The following SELENOP variants were observed in gnomAD, a reference collection of about 807,000 sequenced individuals.
The protein encoded by SELENOP is selenoprotein P, plasma, 1.
Under a neutral mutation model 41.0 loss-of-function variants are expected in SELENOP, and 36 were observed. That is an observed-to-expected ratio of 0.88 (90% CI 0.67 to 1.16). The LOEUF is 1.16. Ranked by LOEUF, SELENOP falls within the 50% of genes most tolerant of loss-of-function variation. The pLI is 0.00. For missense variants in SELENOP, 440 were observed against 454.2 expected, an observed-to-expected ratio of 0.97 and a Z score of 0.28; for synonymous variants, 144 against 150.8, an observed-to-expected ratio of 0.95 and a Z score of 0.33.
In SELENOP at chr5:42,800,366, C is replaced by T. The variant is rs1361421641; in HGVS notation, c.*354G>A. On this transcript the variant is annotated 3_prime_UTR_variant, in exon 5 of 5. Coordinates refer to ENST00000514985, the MANE Select transcript of SELENOP (RefSeq NM_005410.4). ...GATAAGTAAAGAAAAAAATGGAAAG[C>T]ATGTCTTTGTTGTTCTTCCTCCATT... 1 of 172,614 alleles carries T rather than the reference C, an allele frequency of 5.8e-6. No homozygotes were observed. Among genetic ancestry groups the T allele is most frequent in the Non-Finnish European group, 1.2e-5 (1 of 82,272 alleles). The allele number at this position is 172,614 out of a possible 1,614,324, so 10.7% of individuals were successfully genotyped here.
At chr5:42,802,612 CATTT>C (rs1320113102) in intron 4 of SELENOP, among the ~76,000 whole-genome samples, 1 of 151,860 alleles carries the variant, frequency 6.6e-6, no homozygotes, top group East Asian at 1.9e-4. Flanking sequence ...TAATTTCTTT[CATTT>C]ATTTATTTAT....
rs765274043 is a variant in SELENOP, at chr5:42,807,114, A to G, written c.204-6T>C. ...TTACTCGCAGGTCTTCTAATCTAAA[A>G]TATTTGGGAAGAAATACATAAAATG... On this transcript the variant is annotated splice_region_variant and splice_polypyrimidine_tract_variant and intron_variant, in intron 2 of 4. Coordinates refer to ENST00000514985, the MANE Select transcript of SELENOP (RefSeq NM_005410.4). 2.4e-5 allele frequency: 32 copies of G among 1,329,480 alleles called. No homozygotes were observed. Among genetic ancestry groups the G allele is most frequent in the Middle Eastern group, 5.3e-4 (2 of 3,750 alleles). 82.4% of individuals were successfully genotyped at this position (1,329,480 alleles called of 1,614,324 possible). A position where few individuals can be genotyped will look rare whatever the true frequency, so the allele number is the denominator to read the frequency against.
intron 1 of SELENOP, chr5:42,810,848 A>C (rs993954877): frequency 2.3e-6 from 2 of 862,410 alleles, no homozygotes; most frequent in African/African-American, 3.7e-5. Flanking sequence ...ATGAAAAAAT[A>C]ACCCATTGGC....
rs1305771952 is a variant in SELENOP at position 42,808,214 on chromosome 5, C to T, written c.140G>A (p.Gly47Asp). 1 of 1,585,926 alleles carries T rather than the reference C, an allele frequency of 6.3e-7. No individual in the cohort carries two copies. Among genetic ancestry groups the T allele is most frequent in the East Asian group, 2.3e-5 (1 of 42,840 alleles). ...RDQDPMLNSNGSVTVVALLQA... is the reference protein window; with the variant it reads ...RDQDPMLNSNDSVTVVALLQA... ...AAGAAGAGCAACCACAGTCACTGAA[C>T]CATTGGAGTTTAGCATTGGATCTTG... The change falls in exon 2 of 5, where the codon GGT (glycine) becomes GAT (aspartate). Residue 47 changes from glycine to aspartate, a missense_variant. By Grantham distance (94) the Gly-to-Asp change is moderately conservative (BLOSUM62 -1). Transcript: ENST00000514985.
chr5:42,801,152 A>C lies in SELENOP; in HGVS notation c.714T>G (p.Pro238=). Residue 238 remains proline, a synonymous_variant, in exon 5 of 5, where the codon CCT becomes CCG. Coordinates refer to ENST00000514985, the MANE Select transcript of SELENOP (RefSeq NM_005410.4). Reference sequence around the variant, plus strand: ...GGTGGTGATGAAGGCCTGGAGGAGCAGGATGAGTAGGAGCATTTGGTGCTC... The same window carrying C: ...GGTGGTGATGAAGGCCTGGAGGAGCCGGATGAGTAGGAGCATTTGGTGCTC... ...QPGAPNAPTH[P]APPGLHHHHK... The C allele has an allele frequency of 6.2e-7, 1 of 1,614,188 alleles. No individual in the cohort carries two copies. Among genetic ancestry groups the C allele is most frequent in the South Asian group, 1.1e-5 (1 of 91,078 alleles).
Position 42,808,308 on chromosome 5 carries a change from ATG to A in SELENOP, c.44_45del (p.Pro15LeufsTer14). 6.7e-7 allele frequency: 1 copy of A among 1,494,490 alleles called. No individual in the cohort carries two copies. Among genetic ancestry groups the A allele is most frequent in the Non-Finnish European group, 8.9e-7 (1 of 1,122,826 alleles). 92.6% of individuals were successfully genotyped at this position (1,494,490 alleles called of 1,614,324 possible). ...LGLALALCLL[P>X]SGGTESQDQS... is the part of the protein sequence containing the mutation. ...TGGTCCTGGCTCTCTGTTCCTCCCG[ATG>A]GGAGGAGACAGAGAGCCAGGGCAAG... is the stretch of plus-strand genomic sequence containing the variant. On this transcript the variant is annotated frameshift_variant, in exon 2 of 5. Transcript: ENST00000514985. LOFTEE classifies it high-confidence loss of function.
chr5:42,807,024 A>G lies in SELENOP; in HGVS notation c.288T>C (p.Ser96=). ...TCTTAAGATGTGTGTATTTTAATCG[A>G]GAAGAGATTCCTTGATGATTAACAA... is the stretch of plus-strand genomic sequence containing the variant. ...YIVVNHQGIS[S]RLKYTHLKNK... The change falls in exon 3 of 5, where the codon TCT becomes TCC. Residue 96 remains serine, a synonymous_variant. Coordinates refer to ENST00000514985, the MANE Select transcript of SELENOP (RefSeq NM_005410.4). The G allele has an allele frequency of 6.3e-7, 1 of 1,587,378 alleles. No individual in the cohort carries two copies. Among genetic ancestry groups the G allele is most frequent in the Non-Finnish European group, 8.6e-7 (1 of 1,156,768 alleles).
At position 42,804,759 on chromosome 5, in the gene SELENOP, A is replaced by G. The variant is rs1455866045; in HGVS notation, c.431T>C (p.Val144Ala). The G allele has an allele frequency of 2.8e-5, 45 of 1,597,312 alleles. No homozygotes were observed. The Admixed American group carries it at 6.4e-4, about 23-fold the overall frequency. Residue 144 changes from valine to alanine, a missense_variant, in exon 4 of 5, where the codon GTA becomes GCA. Coordinates refer to ENST00000514985, the MANE Select transcript of SELENOP (RefSeq NM_005410.4). ...FLIYDRCGRL[V>A]YHLGLPFSFL... is the part of the protein sequence containing the mutation. ...GGAAAAAGGCAAACCAAGATGATAT[A>G]CAAGACGGCCACATCTAAGAAAAAG...
At chr5:42,804,404 T>C (rs965285217) in intron 4 of SELENOP, among the ~76,000 whole-genome samples, 5 of 152,162 alleles carry the variant, frequency 3.3e-5, no homozygotes, top group African/African-American at 1.2e-4. Flanking sequence ...GAGCTTGCAG[T>C]GAGCCGAGAT....
At chr5:42,811,653 A>C (rs757049278) in intron 1 of SELENOP, among the ~76,000 whole-genome samples, 183 bp downstream of exon 1, 1 of 152,182 alleles carries the variant, frequency 6.6e-6, no homozygotes, top group Non-Finnish European at 1.5e-5. Context: ...GCGCACTGGG[A>C]ACTTCACCTA....
At chr5:42,801,560 T>C in intron 4 of SELENOP, 1 of 463,116 alleles carries the variant, frequency 2.2e-6, no homozygotes, top group Non-Finnish European at 3.7e-6. Flanking sequence ...CAGAAGCAAA[T>C]GAAGTAAACT....
chr5:42,805,666 T>C (rs1458505160), intron 3 of SELENOP: 1 of 152,214 alleles, frequency 6.6e-6, no homozygotes, highest in African/African-American at 2.4e-5. Context: ...AATTATTATT[T>C]AGATTAAAAT....
chr5:42,806,917 T>A lies in SELENOP; in HGVS notation c.395A>T (p.Asp132Val). ...DVWTLLNGSKDDFLIYDRCGR... is the reference protein window; with the variant it reads ...DVWTLLNGSKVDFLIYDRCGR... ...AAACCTATCATATATGAGGAAGTCATCTTTGCTTCCATTTAAAAGAGTCCA... is the reference window on the plus strand; with the variant it reads ...AAACCTATCATATATGAGGAAGTCAACTTTGCTTCCATTTAAAAGAGTCCA... The change falls in exon 3 of 5, where the codon GAT becomes GTT. Residue 132 changes from aspartate (D) to valine (V), a missense_variant. Asp to Val is a radical substitution (Grantham distance 152, BLOSUM62 -3). Transcript: ENST00000514985. The A allele has an allele frequency of 6.2e-7, 1 of 1,607,894 alleles. No individual in the cohort carries two copies. The highest frequency in any genetic ancestry group is 8.5e-7 in the Non-Finnish European group (1 of 1,175,482).
At chr5:42,804,797 G>A (rs774738809) in intron 3 of SELENOP, 24 bp from the exon 4 acceptor site, 2 of 1,347,736 alleles carry the variant, frequency 1.5e-6, no homozygotes, top group African/African-American at 1.4e-5. Context: ...CAAATACAAT[G>A]TCACTATAAT....
rs553145268 is a variant in SELENOP, at chr5:42,809,536, G to A, written c.-13-1170C>T. On this transcript the variant is annotated intron_variant, in intron 1 of 4. Transcript: ENST00000514985. Reference sequence around the variant, plus strand: ...GAGATCAGGACAAAATTTGAAAACTGGGAAATCAATATATTTTCAAGCACT... The same window carrying A: ...GAGATCAGGACAAAATTTGAAAACTAGGAAATCAATATATTTTCAAGCACT... 9.9e-5 allele frequency among the ~76,000 whole-genome samples: 15 copies of A among 152,242 alleles called. 1 individual carries two copies. In the South Asian group the frequency reaches 3.1e-3, roughly 32 times the overall value.
Position 42,810,949 on chromosome 5 carries a change from C to T in SELENOP, c.-14+887G>A, listed in dbSNP as rs1760446084. On this transcript the variant is annotated intron_variant, in intron 1 of 4. Transcript: ENST00000514985. ...CAATTTTGTTTTCTTAAAATTATTT[C>T]TTACACCGTAAACCTTTGATAATTA... is the stretch of plus-strand genomic sequence containing the variant. Among the ~76,000 whole-genome samples, 7 of 152,144 alleles carry T rather than the reference C, an allele frequency of 4.6e-5. No homozygotes were observed. The South Asian group carries it at 1.5e-3, about 32-fold the overall frequency.
chr5:42,803,692 A>T (rs1049377340), intron 4 of SELENOP, among the ~76,000 whole-genome samples: 1 of 152,238 alleles, frequency 6.6e-6, no homozygotes, highest in African/African-American at 2.4e-5. Flanking sequence ...GTTATGAAGG[A>T]AAACAAGTCT....
In SELENOP at chr5:42,804,723, A is replaced by G. The variant is rs1579733561; in HGVS notation, c.467T>C (p.Phe156Ser). The change falls in exon 4 of 5, where the codon TTC (phenylalanine) becomes TCC (serine). Residue 156 changes from phenylalanine (F) to serine (S), a missense_variant. By Grantham distance (155) the Phe-to-Ser change is radical (BLOSUM62 -2). Coordinates refer to ENST00000514985, the MANE Select transcript of SELENOP (RefSeq NM_005410.4). Reference protein sequence around the residue: ...HLGLPFSFLTFPYVEEAIKIA... With the variant: ...HLGLPFSFLTSPYVEEAIKIA... ...CTTAATGGCTTCTTCTACATATGGG[A>G]AAGTTAGGAAGGAAAAAGGCAAACC... 2 of 1,611,790 alleles carry G rather than the reference A, an allele frequency of 1.2e-6. No individual in the cohort carries two copies. The highest frequency in any genetic ancestry group is 1.7e-6 in the Non-Finnish European group (2 of 1,178,546).
intron 1 of SELENOP, among the ~76,000 whole-genome samples, chr5:42,811,518 T>A (rs1760457532): frequency 6.6e-6 from 1 of 152,212 alleles, no homozygotes; most frequent in Non-Finnish European, 1.5e-5. Context: ...ATATTTAAAT[T>A]TGAACATATA....
Sources: gnomAD v4.1 joint callset for allele counts (sites outside exome capture counted in the v4.1 genomes callset) on GRCh38, gnomAD v4.1.1 for gene constraint, MANE v1.5 for transcripts, NCBI Gene and HGNC (gene_info 2026-07-23, HGNC 2026-07-21) for gene names.